The following SEL1L variants were observed in gnomAD, a reference collection of about 807,000 sequenced individuals.
The protein encoded by SEL1L is SEL1L adaptor subunit of SYVN1 ubiquitin ligase.
A neutral mutation model predicts 109.8 loss-of-function variants in SEL1L; 52 were observed. That is an observed-to-expected ratio of 0.47 (90% CI 0.38 to 0.60). The LOEUF (loss-of-function observed/expected upper bound fraction) is 0.60, where lower values mean the gene tolerates loss of function less well. Ranked by LOEUF, SEL1L falls within the 20% of genes least tolerant of loss-of-function variation. The pLI, the probability that SEL1L is intolerant of heterozygous loss-of-function variation, is 0.00. For synonymous variants in SEL1L, 373 were observed against 339.6 expected (o/e 1.10, Z -1.08); for missense variants, 749 against 962.2 (o/e 0.78, Z 2.93).
chr14:81,529,626 T>C (rs1885250117), intron 1 of SEL1L, among the ~76,000 whole-genome samples: 1 of 152,168 alleles, frequency 6.6e-6, no homozygotes, highest in Admixed American at 6.5e-5. Context: ...AACATCAGAG[T>C]TATTTCATGT....
intron 3 of SEL1L, among the ~76,000 whole-genome samples, chr14:81,522,901 G>C (rs1003356925): frequency 2.0e-5 from 3 of 152,148 alleles, no homozygotes; most frequent in Non-Finnish European, 4.4e-5. Flanking sequence ...AAAAAGTGTG[G>C]ACATGTTCAG....
At chr14:81,527,941 TTC>T (rs1409639328) in intron 1 of SEL1L, among the ~76,000 whole-genome samples, 3 of 152,150 alleles carry the variant, frequency 2.0e-5, no homozygotes, top group Non-Finnish European at 2.9e-5. Flanking sequence ...GGGGTTTAGT[TTC>T]TCTCTTTCTC....
chr14:81,483,875 T>A (rs1449632892), intron 19 of SEL1L, among the ~76,000 whole-genome samples: 2 of 152,148 alleles, frequency 1.3e-5, no homozygotes, highest in Non-Finnish European at 2.9e-5. Flanking sequence ...AATTTATCAG[T>A]AGAATACATT....
chr14:81,513,810 T>C (rs1019420723), intron 3 of SEL1L, among the ~76,000 whole-genome samples: 3 of 152,134 alleles, frequency 2.0e-5, no homozygotes, highest in Admixed American at 1.3e-4. Flanking sequence ...AGCTTCCGCT[T>C]TCCCTGTACT....
At chr14:81,500,289 A>T (rs1214660210) in intron 6 of SEL1L, among the ~76,000 whole-genome samples, 1 of 152,114 alleles carries the variant, frequency 6.6e-6, no homozygotes, top group Non-Finnish European at 1.5e-5. Context: ...GCTGGAGACC[A>T]GTGGTACAAT....
At chr14:81,478,439 G>A (rs1411526932) in intron 20 of SEL1L, among the ~76,000 whole-genome samples, 1 of 152,018 alleles carries the variant, frequency 6.6e-6, no homozygotes, top group Non-Finnish European at 1.5e-5. Context: ...AAACAGCAAA[G>A]ATACAATATA....
chr14:81,531,578 G>C (rs1885323886), intron 1 of SEL1L, among the ~76,000 whole-genome samples: 1 of 151,300 alleles, frequency 6.6e-6, no homozygotes, highest in Non-Finnish European at 1.5e-5. Context: ...TTTTGAGACA[G>C]GGTCTCGCTC....
At chr14:81,491,357 G>A (rs1883531240) in intron 12 of SEL1L, among the ~76,000 whole-genome samples, 1 of 152,160 alleles carries the variant, frequency 6.6e-6, no homozygotes, top group Non-Finnish European at 1.5e-5. Flanking sequence ...GGTCAAGACT[G>A]TCTTTATTCA....
Position 81,495,111 on chromosome 14 carries a change from G to A in SEL1L, c.1155C>T (p.His385=), listed in dbSNP as rs773620723. The A allele has an allele frequency of 1.2e-5, 19 of 1,613,922 alleles. No individual in the cohort carries two copies. The highest frequency in any genetic ancestry group is 9.9e-5 in the South Asian group (9 of 91,040). The stretch of plus-strand genomic sequence containing the variant: ...GATTCTGTTCTACTCCACGCCCTCC[G>A]TGCAGGTGCAGTTGTCCAAGACCAA... ...AQVGLGQLHL[H]GGRGVEQNHQ... The change falls in exon 11 of 21, where the codon CAC becomes CAT. Residue 385 remains histidine, a synonymous_variant. Transcript: ENST00000336735.
At chr14:81,508,484 GCCTGTAATT>G in intron 3 of SEL1L, among the ~76,000 whole-genome samples, 1 of 152,134 alleles carries the variant, frequency 6.6e-6, no homozygotes, top group South Asian at 2.1e-4. Flanking sequence ...GGTGGCTCAC[GCCTGTAATT>G]CCCAGCACTT....
Position 81,502,875 on chromosome 14 carries a change from C to G in SEL1L, c.623G>C (p.Arg208Pro). ...CATGCTTGCTGCCTTTTGGAGATAC[C>G]GATATGCTCTTCAAATGTAAACAAT... ...NKKSQKREAY[R>P]YLQKAASMNH... is the part of the protein sequence containing the mutation. The change falls in exon 6 of 21, where the codon CGG becomes CCG. Residue 208 changes from arginine (R) to proline (P), a missense_variant. Physicochemically the swap from Arg to Pro is moderately radical, Grantham distance 103. Coordinates refer to ENST00000336735, the MANE Select transcript of SEL1L (RefSeq NM_005065.6). The G allele has an allele frequency of 6.2e-7, 1 of 1,601,382 alleles. No homozygotes were observed. Among genetic ancestry groups the G allele is most frequent in the Non-Finnish European group, 8.5e-7 (1 of 1,174,194 alleles).
In SEL1L at chr14:81,474,922, A is replaced by C. The variant is rs1246359918; in HGVS notation, c.*2050T>G. On this transcript the variant is annotated 3_prime_UTR_variant, in exon 21 of 21. Transcript: ENST00000336735. The stretch of plus-strand genomic sequence containing the variant: ...ACTGTTTTAAGAAATGTTTTCTCAA[A>C]GCACGTACTCAATGGAGGGAAGGAA... 1.3e-5 allele frequency: 2 copies of C among 152,268 alleles called. No homozygotes were observed. Among genetic ancestry groups the C allele is most frequent in the Admixed American group, 1.3e-4 (2 of 15,288 alleles). 9.4% of individuals were successfully genotyped at this position (152,268 alleles called of 1,614,324 possible). A position where few individuals can be genotyped will look rare whatever the true frequency, so the allele number is the denominator to read the frequency against.
At chr14:81,515,497 A>G (rs888427450) in intron 3 of SEL1L, among the ~76,000 whole-genome samples, 4 of 152,236 alleles carry the variant, frequency 2.6e-5, no homozygotes, top group African/African-American at 9.6e-5. Flanking sequence ...CCTACCAGTC[A>G]GCAAGCCGTC....
At chr14:81,479,867 A>T in intron 19 of SEL1L, 127 bp from the exon 20 acceptor site, 1 of 836,706 alleles carries the variant, frequency 1.2e-6, no homozygotes. Context: ...CCTCACCTAA[A>T]CAAAAATGCC....
rs191940972 is a variant in SEL1L at position 81,511,163 on chromosome 14, C to T, written c.341-4922G>A. Among the ~76,000 whole-genome samples the T allele has an allele frequency of 3.1e-3, 472 of 152,300 alleles. 2 individuals carry two copies. The Middle Eastern group carries it at 0.037, about 12-fold the overall frequency. On this transcript the variant is annotated intron_variant, in intron 3 of 20. Coordinates refer to ENST00000336735, the MANE Select transcript of SEL1L (RefSeq NM_005065.6). ...GAAACTATCTTTGTAAATAAACACA[C>T]GCTATACGAAGAAAGCCACCACTTT... is the stretch of plus-strand genomic sequence containing the variant.
chr14:81,477,268 G>T, intron 20 of SEL1L, 87 bp from the exon 21 acceptor site: 1 of 1,054,722 alleles, frequency 9.5e-7, no homozygotes, highest in South Asian at 1.5e-5. Flanking sequence ...AGTAAGTACA[G>T]AAATTAAAAT....
Position 81,479,623 on chromosome 14 carries a change from G to T in SEL1L, c.2164C>A (p.Arg722=). ...TACGGACCACTTACGTTTGTTTCCCGTATGTACTGCAAGAAATAGACGACG... is the reference window on the plus strand; with the variant it reads ...TACGGACCACTTACGTTTGTTTCCCTTATGTACTGCAAGAAATAGACGACG... The part of the protein sequence containing the change: ...LGVVYFLQYI[R]ETNIRDMFTQ... Residue 722 remains arginine (R), a synonymous_variant, in exon 20 of 21, where the codon CGG becomes AGG. Transcript: ENST00000336735. 6.2e-7 allele frequency: 1 copy of T among 1,611,712 alleles called. No individual in the cohort carries two copies. The highest frequency in any genetic ancestry group is 8.5e-7 in the Non-Finnish European group (1 of 1,179,198).
At chr14:81,502,624 C>G in intron 6 of SEL1L, 97 bp downstream of exon 6, 5 of 1,223,178 alleles carry the variant, frequency 4.1e-6, no homozygotes, top group Non-Finnish European at 4.5e-6. Flanking sequence ...ATCTTCCAGT[C>G]TGACTTTTTA....
intron 19 of SEL1L, among the ~76,000 whole-genome samples, 181 bp downstream of exon 19, chr14:81,484,044 T>C (rs1431293907): frequency 1.3e-5 from 2 of 152,218 alleles, no homozygotes; most frequent in Non-Finnish European, 2.9e-5. Context: ...GATAGCAGTA[T>C]CTGTGCGTGC....
Sources: gnomAD v4.1 joint callset for allele counts (sites outside exome capture counted in the v4.1 genomes callset) on GRCh38, gnomAD v4.1.1 for gene constraint, MANE v1.5 for transcripts, NCBI Gene and HGNC (gene_info 2026-07-23, HGNC 2026-07-21) for gene names.